TJP2: variants seen among roughly 807,000 people sequenced by gnomAD.
The protein encoded by TJP2 is tight junction protein 2, also known as Friedreich ataxia region gene X104 (tight junction protein ZO-2).
TJP2 carries 91 observed loss-of-function variants against 133.1 expected under a neutral mutation model. The ratio of observed to expected loss-of-function variants is 0.68; its 90% CI spans 0.58 to 0.81. The LOEUF (loss-of-function observed/expected upper bound fraction) is 0.81. Among genes scored for constraint, TJP2 ranks in the 40% least tolerant of loss-of-function variants. TJP2 has a pLI of 0.00. For synonymous variants in TJP2, 592 were observed against 583.4 expected (o/e 1.01, Z -0.21); for missense variants, 1,541 against 1,565.6 (o/e 0.98, Z 0.26).
At position 69,247,933 on chromosome 9, in the gene TJP2, G is replaced by A. The variant is rs565732133; in HGVS notation, c.2668-79G>A. ...ATCAAGGTTTCAGTCGCTTGGCTGT[G>A]TCCTTGGGAATTTTCTTGAGTCCCC... On this transcript the variant is annotated intron_variant, in intron 18 of 22. Transcript: ENST00000377245. 28 of 1,413,786 alleles carry A rather than the reference G, an allele frequency of 2.0e-5. No individual in the cohort carries two copies. The African/African-American group carries it at 3.4e-4, about 17-fold the overall frequency. 87.6% of individuals were successfully genotyped at this position (1,413,786 alleles called of 1,614,324 possible). A position where few individuals can be genotyped will look rare whatever the true frequency, so the allele number is the denominator to read the frequency against.
At chr9:69,145,892 A>T in intron 1 of TJP2, 1 of 891,594 alleles carries the variant, frequency 1.1e-6, no homozygotes, top group Non-Finnish European at 1.5e-6. Context: ...ACCCATATAG[A>T]AAAAAGGGTC....
intron 10 of TJP2, among the ~76,000 whole-genome samples, chr9:69,229,534 T>G (rs538946235): frequency 6.6e-6 from 1 of 152,336 alleles, no homozygotes; most frequent in South Asian, 2.1e-4. Flanking sequence ...GTCAGATAAA[T>G]TCACTCCCAA....
At chr9:69,210,513 G>C (rs1161412019) in intron 1 of TJP2, among the ~76,000 whole-genome samples, 1 of 152,126 alleles carries the variant, frequency 6.6e-6, no homozygotes, top group African/African-American at 2.4e-5. Context: ...TTGAAGAACA[G>C]TCGTCACAGT....
chr9:69,231,762 A>G (rs1296887628), intron 11 of TJP2, among the ~76,000 whole-genome samples: 1 of 152,194 alleles, frequency 6.6e-6, no homozygotes, highest in South Asian at 2.1e-4. Context: ...TACCTGCACG[A>G]ACCTCATGTT....
intron 1 of TJP2, among the ~76,000 whole-genome samples, chr9:69,137,173 TC>T (rs1822769106): frequency 6.6e-6 from 1 of 150,918 alleles, no homozygotes; most frequent in African/African-American, 2.4e-5. Flanking sequence ...TGAGGTTTTG[TC>T]CAGCTGCCCA....
At chr9:69,229,576 G>T (rs984763015) in intron 10 of TJP2, among the ~76,000 whole-genome samples, 2 of 152,208 alleles carry the variant, frequency 1.3e-5, no homozygotes, top group East Asian at 3.8e-4. Flanking sequence ...AAACTACGGT[G>T]CCCTGTGGTG....
intron 16 of TJP2, among the ~76,000 whole-genome samples, chr9:69,239,229 T>C (rs1241445732): frequency 2.0e-5 from 3 of 152,078 alleles, no homozygotes; most frequent in African/African-American, 7.2e-5. Flanking sequence ...CGTTTCACTG[T>C]GTGGAAACCA....
intron 20 of TJP2, 69 bp from the exon 21 acceptor site, chr9:69,250,966 A>T: frequency 2.1e-6 from 3 of 1,429,400 alleles, no homozygotes; most frequent in East Asian, 2.3e-5. Context: ...GGAGTGTATT[A>T]AATCACTAAT....
intron 21 of TJP2, 90 bp downstream of exon 21, chr9:69,251,454 C>A: frequency 7.3e-7 from 1 of 1,365,972 alleles, no homozygotes; most frequent in Non-Finnish European, 1.0e-6. Flanking sequence ...GCTGCTGCTG[C>A]AGATGTGGCA....
intron 1 of TJP2, among the ~76,000 whole-genome samples, chr9:69,129,160 T>TA (rs1230566450): frequency 6.6e-6 from 1 of 152,226 alleles, no homozygotes; most frequent in Non-Finnish European, 1.5e-5. Flanking sequence ...ATGTTAATAA[T>TA]ACATACACAC....
At chr9:69,188,460 C>G (rs1032114006) in intron 1 of TJP2, among the ~76,000 whole-genome samples, 3 of 152,288 alleles carry the variant, frequency 2.0e-5, no homozygotes, top group Admixed American at 1.3e-4. Context: ...TCTGTCAATT[C>G]CACCAGTCTC....
Position 69,221,435 on chromosome 9 carries a change from C to T in TJP2, c.891C>T (p.Pro297=), listed in dbSNP as rs1274961165. The T allele has an allele frequency of 3.8e-6, 6 of 1,591,640 alleles. No homozygotes were observed. In the South Asian group the frequency reaches 4.5e-5, roughly 12 times the overall value. Residue 297 remains proline (P), a synonymous_variant, in exon 5 of 23, where the codon CCC becomes CCT. Transcript: ENST00000377245. ...REHPHSRSPS[P]EPRGRPGPIG... ...ACCCGCACTCACGGAGCCCCAGCCC[C>T]GAGCCTAGGGGGCGGCCGGGGCCCA...
At chr9:69,220,779 G>T (rs1828761336) in intron 4 of TJP2, 108 bp from the exon 5 acceptor site, 2 of 1,072,132 alleles carry the variant, frequency 1.9e-6, no homozygotes, top group Non-Finnish European at 2.8e-6. Context: ...TTAGTGAGTC[G>T]GCAGGGATAC....
At position 69,239,996 on chromosome 9, in the gene TJP2, G is replaced by T; in HGVS notation, c.2415G>T (p.Gln805His). 2 of 1,614,176 alleles carry T rather than the reference G, an allele frequency of 1.2e-6. No homozygotes were observed. Among genetic ancestry groups the T allele is most frequent in the Non-Finnish European group, 1.7e-6 (2 of 1,180,036 alleles). The change falls in exon 17 of 23, where the codon CAG (glutamine) becomes CAT (histidine). Residue 805 changes from glutamine (Q) to histidine (H), a missense_variant. Coordinates refer to ENST00000377245, the MANE Select transcript of TJP2 (RefSeq NM_004817.4). Reference sequence around the variant, plus strand: ...CTGTGGACCTGTTGAATTACACCCAGTGGTTCCCAATTGTGATTTTTTTCA... The same window carrying T: ...CTGTGGACCTGTTGAATTACACCCATTGGTTCCCAATTGTGATTTTTTTCA... ...PKAVDLLNYT[Q>H]WFPIVIFFNP...
intron 1 of TJP2, among the ~76,000 whole-genome samples, chr9:69,200,156 G>A (rs1328036841): frequency 6.6e-6 from 1 of 152,260 alleles, no homozygotes; most frequent in East Asian, 1.9e-4. Flanking sequence ...CTGCCCGGCC[G>A]CACTGAGTAC....
At chr9:69,238,570 G>A (rs1213623876) in intron 15 of TJP2, 140 bp from the exon 16 acceptor site, 2 of 732,860 alleles carry the variant, frequency 2.7e-6, no homozygotes, top group Non-Finnish European at 4.9e-6. Flanking sequence ...CACTAAGCAG[G>A]TTATGTGGGT....
intron 17 of TJP2, 194 bp from the exon 18 acceptor site, chr9:69,246,496 T>C: frequency 1.6e-6 from 1 of 610,390 alleles, no homozygotes. Flanking sequence ...TAATGTGAAC[T>C]CAAACAGCTA....
At chr9:69,242,110 A>C (rs1243475412) in intron 17 of TJP2, among the ~76,000 whole-genome samples, 1 of 152,240 alleles carries the variant, frequency 6.6e-6, no homozygotes, top group Non-Finnish European at 1.5e-5. Flanking sequence ...ACTAGGCTGA[A>C]GGCGGCTGGA....
At chr9:69,169,032 G>C (rs1030693468) in intron 2 of TJP2, among the ~76,000 whole-genome samples, 1 of 151,910 alleles carries the variant, frequency 6.6e-6, no homozygotes, top group African/African-American at 2.4e-5. Flanking sequence ...ACCTGGAAGT[G>C]GGGGCGGGGA....
Sources: allele counts gnomAD v4.1 joint callset (sites outside exome capture counted in the v4.1 genomes callset), GRCh38; gene constraint gnomAD v4.1.1; transcripts MANE v1.5; gene names NCBI Gene and HGNC (gene_info 2026-07-23, HGNC 2026-07-21).